Variants in RNF125 observed in about 807,000 individuals in gnomAD.
RNF125 encodes E3 ubiquitin-protein ligase RNF125.
RNF125 carries 21 observed loss-of-function variants against 26.0 expected under a neutral mutation model. The ratio of observed to expected loss-of-function variants is 0.81; its 90% CI spans 0.57 to 1.16. The LOEUF (loss-of-function observed/expected upper bound fraction) is 1.16. Ranked by LOEUF, RNF125 falls within the 50% of genes most tolerant of loss-of-function variation. The pLI, the probability that RNF125 is intolerant of heterozygous loss-of-function variation, is 0.00. For synonymous variants in RNF125, 95 were observed against 109.2 expected (o/e 0.87, Z 0.81); for missense variants, 270 against 299.4 (o/e 0.90, Z 0.72).
chr18:32,047,985 AGGCATGGT>A (rs749804680), intron 4 of RNF125, among the ~76,000 whole-genome samples: 4 of 152,028 alleles, frequency 2.6e-5, no homozygotes, highest in Non-Finnish European at 4.4e-5. Flanking sequence ...AAAATTAGCA[AGGCATGGT>A]GGCATGCGCC....
At chr18:32,048,088 C>T (rs2039289237) in intron 4 of RNF125, among the ~76,000 whole-genome samples, 1 of 151,310 alleles carries the variant, frequency 6.6e-6, no homozygotes, top group African/African-American at 2.4e-5. Context: ...GAGATCGTGC[C>T]ACTGCACTCC....
At chr18:32,051,159 T>C (rs1213943505) in intron 4 of RNF125, among the ~76,000 whole-genome samples, 1 of 152,158 alleles carries the variant, frequency 6.6e-6, no homozygotes, top group Non-Finnish European at 1.5e-5. Flanking sequence ...TTTTCAGTAT[T>C]TACCACAACT....
the RNF125 span, among the ~76,000 whole-genome samples, chr18:32,080,750 G>T: frequency 2.0e-5 from 3 of 152,194 alleles, no homozygotes; most frequent in South Asian, 2.1e-4. Context: ...TTAGCTGGGC[G>T]TGATGGCGGA....
the RNF125 span, among the ~76,000 whole-genome samples, chr18:32,088,911 G>T: frequency 6.6e-6 from 1 of 152,148 alleles, no homozygotes; most frequent in South Asian, 2.1e-4. Flanking sequence ...GCTTCATTCT[G>T]GGGGGGAAAG....
At chr18:32,026,491 C>T (rs1027572910) in intron 1 of RNF125, among the ~76,000 whole-genome samples, 5 of 152,212 alleles carry the variant, frequency 3.3e-5, no homozygotes, top group East Asian at 3.9e-4. Flanking sequence ...CTGCCTGCCT[C>T]GGCCTCCCAG....
the RNF125 span, among the ~76,000 whole-genome samples, chr18:32,088,250 A>G: frequency 8.1e-3 from 1,234 of 152,312 alleles, 16 homozygotes; most frequent in African/African-American, 0.028. Flanking sequence ...GAGTGTCAAC[A>G]CTGCACATGG....
rs188766147 is a variant in RNF125, at chr18:32,041,929, C to T, written c.319-250C>T. On this transcript the variant is annotated intron_variant, in intron 2 of 5. Coordinates refer to ENST00000217740, the MANE Select transcript of RNF125 (RefSeq NM_017831.4). ...ACAGGCGTGAGCCACCGCGCCCGGC[C>T]GTATATGCTTTTTAGAAGAACCAAA... The T allele has an allele frequency of 9.5e-4, 374 of 391,836 alleles. 3 individuals carry two copies. Among genetic ancestry groups the T allele is most frequent in the South Asian group, 1.8e-3 (74 of 40,882 alleles). The allele number at this position is 391,836 out of a possible 1,614,324, so 24.3% of individuals were successfully genotyped here.
the RNF125 span, among the ~76,000 whole-genome samples, chr18:32,085,853 C>T: frequency 6.6e-6 from 1 of 151,802 alleles, no homozygotes; most frequent in Non-Finnish European, 1.5e-5. Flanking sequence ...AGAGTCAGCT[C>T]CAACAAAAAG....
At chr18:32,039,888 T>C (rs2039198777) in intron 2 of RNF125, among the ~76,000 whole-genome samples, 1 of 151,682 alleles carries the variant, frequency 6.6e-6, no homozygotes, top group African/African-American at 2.4e-5. Context: ...CAAGAGATTC[T>C]CGTGCCTCAG....
chr18:32,089,103 A>G, the RNF125 span, among the ~76,000 whole-genome samples: 1 of 152,216 alleles, frequency 6.6e-6, no homozygotes, highest in East Asian at 1.9e-4. Flanking sequence ...CAGGAATCAG[A>G]AGGTTTTACA....
chr18:32,048,446 C>CAAAA (rs1272168812), intron 4 of RNF125, among the ~76,000 whole-genome samples: 14 of 149,262 alleles, frequency 9.4e-5, no homozygotes, highest in East Asian at 4.0e-4. Context: ...ACAAAAAAAC[C>CAAAA]CAAAAAAACC....
In RNF125 at chr18:32,069,785, T is replaced by G. The variant is rs2039516906; in HGVS notation, c.*1401T>G. 1 of 152,224 alleles carries G rather than the reference T, an allele frequency of 6.6e-6. No homozygotes were observed. The highest frequency in any genetic ancestry group is 6.5e-5 in the Admixed American group (1 of 15,280). 9.4% of individuals were successfully genotyped at this position (152,224 alleles called of 1,614,324 possible). Reference sequence around the variant, plus strand: ...TCTTTTTTAATCTAGAAGTTCCTCCTTCTTTCCAGTTCCTTAAAATTTACC... The same window carrying G: ...TCTTTTTTAATCTAGAAGTTCCTCCGTCTTTCCAGTTCCTTAAAATTTACC... On this transcript the variant is annotated 3_prime_UTR_variant, in exon 6 of 6. Coordinates refer to ENST00000217740, the MANE Select transcript of RNF125 (RefSeq NM_017831.4).
At position 32,037,146 on chromosome 18, in the gene RNF125, A is replaced by G; in HGVS notation, c.195A>G (p.Leu65=). The change falls in exon 2 of 6, where the codon CTA becomes CTG. Residue 65 remains leucine, a synonymous_variant. Coordinates refer to ENST00000217740, the MANE Select transcript of RNF125 (RefSeq NM_017831.4). ...GCCGTTCCTGTATTGCTACCAGTCT[A>G]AAGAACAACAAGTGGACCTGTCCTT... ...VFCRSCIATS[L]KNNKWTCPYC... is the part of the protein sequence containing the mutation. 1 of 1,606,364 alleles carries G rather than the reference A, an allele frequency of 6.2e-7. No individual in the cohort carries two copies. The highest frequency in any genetic ancestry group is 8.5e-7 in the Non-Finnish European group (1 of 1,177,428).
intron 4 of RNF125, among the ~76,000 whole-genome samples, chr18:32,051,247 C>T (rs1263611233): frequency 1.3e-5 from 2 of 152,048 alleles, no homozygotes; most frequent in Admixed American, 6.6e-5. Flanking sequence ...CTAAGTCTTT[C>T]GTTTAACACT....
rs568425763 is a variant in RNF125, at chr18:32,038,136, C to G, written c.318+867C>G. ...CCATCTCGGCCCACTGCAAGCTCCG[C>G]CTCTCAGGTTCAAGTGATTCTAATG... On this transcript the variant is annotated intron_variant, in intron 2 of 5. Transcript: ENST00000217740. Among the ~76,000 whole-genome samples the G allele has an allele frequency of 2.7e-3, 413 of 151,420 alleles. 2 individuals carry two copies. The highest frequency in any genetic ancestry group is 9.6e-3 in the African/African-American group (397 of 41,158).
intron 3 of RNF125, among the ~76,000 whole-genome samples, chr18:32,043,161 A>G (rs1463108583): frequency 6.6e-6 from 1 of 152,092 alleles, no homozygotes; most frequent in East Asian, 1.9e-4. Context: ...AAAAAAAAGA[A>G]ACACATCTAA....
chr18:32,054,725 G>T (rs975823144), intron 4 of RNF125, among the ~76,000 whole-genome samples: 13 of 152,214 alleles, frequency 8.5e-5, no homozygotes, highest in Admixed American at 7.2e-4. Flanking sequence ...GCAAAAATCT[G>T]TCAGAAGAGA....
intron 4 of RNF125, 65 bp downstream of exon 4, chr18:32,045,797 T>A: frequency 1.0e-6 from 1 of 982,306 alleles, no homozygotes; most frequent in Non-Finnish European, 1.6e-6. Flanking sequence ...GAAATCCATT[T>A]AATAGATTTA....
At chr18:32,064,603 G>A (rs1243310394) in intron 4 of RNF125, among the ~76,000 whole-genome samples, 1 of 151,792 alleles carries the variant, frequency 6.6e-6, no homozygotes, top group East Asian at 1.9e-4. Flanking sequence ...GCAAAACCTA[G>A]TGAAATCTTT....
Sources: gnomAD v4.1 joint callset for allele counts (sites outside exome capture counted in the v4.1 genomes callset) on GRCh38, gnomAD v4.1.1 for gene constraint, MANE v1.5 for transcripts, NCBI Gene and HGNC (gene_info 2026-07-23, HGNC 2026-07-21) for gene names.